Variants in SUN5 observed in about 807,000 individuals in gnomAD.
SUN5 encodes the protein SUN domain-containing protein 5.
In SUN5, 44 loss-of-function variants were observed where a neutral mutation model predicts 53.7. The observed-to-expected ratio is 0.82, with a 90% CI of 0.64 to 1.05. The LOEUF (loss-of-function observed/expected upper bound fraction) is 1.05, where lower values mean the gene tolerates loss of function less well. SUN5 is among the 50% of genes least tolerant of loss of function. The pLI is 0.00. For missense variants in SUN5, 433 were observed against 483.8 expected (o/e 0.90, Z 0.98); for synonymous variants, 166 against 179.8 (o/e 0.92, Z 0.62).
chr20:32,987,196 C>T (rs1989567298), intron 10 of SUN5, among the ~76,000 whole-genome samples: 2 of 152,212 alleles, frequency 1.3e-5, no homozygotes, highest in Non-Finnish European at 2.9e-5. Flanking sequence ...CAGGTTTGAA[C>T]TCTGGCTCTG....
intron 5 of SUN5, among the ~76,000 whole-genome samples, chr20:32,999,528 G>T (rs1568969490): frequency 1.3e-5 from 2 of 152,284 alleles, no homozygotes; most frequent in East Asian, 1.9e-4. Flanking sequence ...GGAGGCGGAG[G>T]TTGCAGTGAG....
chr20:32,997,736 G>A (rs1273406649), intron 5 of SUN5, 49 bp from the exon 6 acceptor site: 2 of 1,607,754 alleles, frequency 1.2e-6, no homozygotes, highest in African/African-American at 2.7e-5. Context: ...GCAAGATGAA[G>A]AGCCTAGGTG....
At chr20:32,988,934 T>G (rs1989623967) in intron 9 of SUN5, among the ~76,000 whole-genome samples, 2 of 150,550 alleles carry the variant, frequency 1.3e-5, no homozygotes, top group Non-Finnish European at 3.0e-5. Flanking sequence ...TTACTTTTTT[T>G]ATTTTTTGTG....
intron 10 of SUN5, among the ~76,000 whole-genome samples, chr20:32,987,049 G>C (rs1054535151): frequency 1.3e-5 from 2 of 152,202 alleles, no homozygotes; most frequent in Non-Finnish European, 2.9e-5. Flanking sequence ...CATCACCCAG[G>C]GTGTGCCACT....
At chr20:32,984,899 C>T (rs548883449) in intron 12 of SUN5, among the ~76,000 whole-genome samples, 200 bp downstream of exon 12, 218 of 152,346 alleles carry the variant, frequency 1.4e-3, no homozygotes, top group African/African-American at 4.9e-3. Flanking sequence ...TGGCCACAGG[C>T]GGTGGGATCT....
At chr20:32,997,806 A>C in intron 5 of SUN5, 119 bp from the exon 6 acceptor site, 1 of 995,364 alleles carries the variant, frequency 1.0e-6, no homozygotes, top group Non-Finnish European at 1.5e-6. Flanking sequence ...ATTGTGCAAC[A>C]CTGGGGGAAT....
chr20:32,999,510 T>A (rs916392945), intron 5 of SUN5, among the ~76,000 whole-genome samples: 2 of 152,124 alleles, frequency 1.3e-5, no homozygotes, highest in South Asian at 4.1e-4. Context: ...GAGAATTGCT[T>A]GAACCCGGGA....
chr20:32,991,776 A>T (rs963216718), intron 8 of SUN5, among the ~76,000 whole-genome samples: 2 of 152,208 alleles, frequency 1.3e-5, no homozygotes, highest in African/African-American at 4.8e-5. Context: ...TATCTTTGTG[A>T]ACTCTTTTAA....
At chr20:33,001,566 T>TTTCTTTCTTTCCTTC (rs1568970962) in intron 3 of SUN5, among the ~76,000 whole-genome samples, 5 of 45,636 alleles carry the variant, frequency 1.1e-4, no homozygotes, top group African/African-American at 4.8e-4. Context: ...TTCTTTCTTT[T>TTTCTTTCTTTCCTTC]CTTCCTTCCT....
chr20:32,985,276 C>T (rs1989505648), intron 11 of SUN5, 91 bp from the exon 12 acceptor site: 1 of 1,186,100 alleles, frequency 8.4e-7, no homozygotes, highest in East Asian at 2.4e-5. Context: ...GCACACTCCC[C>T]AGGATGGGAG....
intron 10 of SUN5, 81 bp downstream of exon 10, chr20:32,987,579 A>G (rs1600489626): frequency 7.5e-6 from 7 of 927,216 alleles, no homozygotes; most frequent in Non-Finnish European, 1.0e-5. Context: ...CCCACCCCCT[A>G]CCTCTTCTGC....
chr20:32,985,247 C>A (rs1308924782), intron 11 of SUN5, 62 bp from the exon 12 acceptor site: 1 of 1,506,716 alleles, frequency 6.6e-7, no homozygotes, highest in South Asian at 1.1e-5. Context: ...AGGGTGTCTC[C>A]CCTCTCCAGT....
intron 2 of SUN5, 87 bp downstream of exon 2, chr20:33,002,774 G>A (rs1990086468): frequency 3.1e-6 from 5 of 1,601,086 alleles, no homozygotes; most frequent in Non-Finnish European, 4.3e-6. Flanking sequence ...GCCCCTTGCT[G>A]GGTAGCCCCA....
At chr20:32,998,593 AC>A (rs1275183890) in intron 5 of SUN5, among the ~76,000 whole-genome samples, 2 of 152,226 alleles carry the variant, frequency 1.3e-5, no homozygotes, top group African/African-American at 4.8e-5. Flanking sequence ...TGAAGAGCTC[AC>A]AGCTCACATC....
In SUN5 at chr20:32,985,131, G is replaced by A; in HGVS notation, c.952C>T (p.Pro318Ser). The A allele has an allele frequency of 6.2e-7, 1 of 1,614,060 alleles. No individual in the cohort carries two copies. Among genetic ancestry groups the A allele is most frequent in the South Asian group, 1.1e-5 (1 of 91,072 alleles). Residue 318 changes from proline to serine, a missense_variant, in exon 12 of 13, where the codon CCA (proline) becomes TCA (serine). Pro to Ser is a moderately conservative substitution (Grantham distance 74). Coordinates refer to ENST00000356173, the MANE Select transcript of SUN5 (RefSeq NM_080675.4). Reference protein sequence around the residue: ...EVFLGAFQFQPENIIQMFPLQ... With the variant: ...EVFLGAFQFQSENIIQMFPLQ... ...GGGAACATCTGGATGATGTTTTCTG[G>A]CTGAAACTGAAATGCCCCCAGGAAC...
chr20:32,994,785 G>A (rs1187900549), intron 8 of SUN5, among the ~76,000 whole-genome samples: 1 of 133,550 alleles, frequency 7.5e-6, no homozygotes, highest in Non-Finnish European at 1.6e-5. Context: ...TGCAATCCCA[G>A]CTACTCAGGT....
chr20:32,991,063 G>A (rs547425824), intron 8 of SUN5, among the ~76,000 whole-genome samples: 7 of 152,214 alleles, frequency 4.6e-5, no homozygotes, highest in East Asian at 3.9e-4. Flanking sequence ...TCCTCCCCTC[G>A]TTTACTGGGG....
Position 33,004,282 on chromosome 20 carries a change from T to C in SUN5, c.59A>G (p.His20Arg), listed in dbSNP as rs1331799928. 1 of 1,579,060 alleles carries C rather than the reference T, an allele frequency of 6.3e-7. No individual in the cohort carries two copies. The highest frequency in any genetic ancestry group is 2.3e-5 in the East Asian group (1 of 43,366). The part of the protein sequence containing the change: ...DPGALLEDVA[H>R]NPRPRRIAQR... ...TCCTCACCTCCGGGGTCTGGGATTG[T>C]GGGCCACATCTTCGAGTAGGGCGCC... is the stretch of plus-strand genomic sequence containing the variant. The change falls in exon 1 of 13, where the codon CAC (histidine) becomes CGC (arginine). Residue 20 changes from histidine (H) to arginine (R), a missense_variant. Physicochemically the swap from His to Arg is conservative, Grantham distance 29 (BLOSUM62 0). Coordinates refer to ENST00000356173, the MANE Select transcript of SUN5 (RefSeq NM_080675.4).
rs149206379 is a variant in SUN5, at chr20:33,002,582, C to A, written c.211+5G>T. 1.2e-6 allele frequency: 2 copies of A among 1,614,068 alleles called. No homozygotes were observed. The highest frequency in any genetic ancestry group is 2.7e-5 in the African/African-American group (2 of 75,048). On this transcript the variant is annotated splice_donor_5th_base_variant and intron_variant, in intron 3 of 12. Transcript: ENST00000356173. ...GACGAAGGTGATTATTCAGTATATACGTACACACACATCCCAGCATGCACT... is the reference window on the plus strand; with the variant it reads ...GACGAAGGTGATTATTCAGTATATAAGTACACACACATCCCAGCATGCACT...
Sources: gnomAD v4.1 joint callset for allele counts (sites outside exome capture counted in the v4.1 genomes callset) on GRCh38, gnomAD v4.1.1 for gene constraint, MANE v1.5 for transcripts, NCBI Gene and HGNC (gene_info 2026-07-23, HGNC 2026-07-21) for gene names.